NOL6: variants seen among roughly 807,000 people sequenced by gnomAD.
The protein encoded by NOL6 is nucleolar protein 6, also known as nucleolar RNA-associated protein.
NOL6 carries 33 observed loss-of-function variants against 131.7 expected under a neutral mutation model. The ratio of observed to expected loss-of-function variants is 0.25; its 90% CI spans 0.19 to 0.33. The LOEUF is 0.33. Among genes scored for constraint, NOL6 ranks in the 10% least tolerant of loss-of-function variants. NOL6 has a pLI of 1.00. For missense variants in NOL6, 1,297 were observed against 1,494.5 expected (o/e 0.87, Z 2.18); for synonymous variants, 580 against 605.7 (o/e 0.96, Z 0.62).
rs564537335 is a variant in NOL6 at position 33,469,216 on chromosome 9, C to A, written c.853G>T (p.Ala285Ser). The change falls in exon 6 of 26, where the codon GCA becomes TCA. Residue 285 changes from alanine to serine, a missense_variant. Physicochemically the swap from Ala to Ser is moderately conservative, Grantham distance 99. Transcript: ENST00000297990. ...RSAWYRGQSPAGDGSPEPPTP... is the reference protein window; with the variant it reads ...RSAWYRGQSPSGDGSPEPPTP... ...ACCAGGGCCTGCTCACCATCCCCTG[C>A]AGGACTCTGCCCTCGGTACCAGGCA... 5 of 1,614,216 alleles carry A rather than the reference C, an allele frequency of 3.1e-6. No individual in the cohort carries two copies. Among genetic ancestry groups the A allele is most frequent in the African/African-American group, 2.7e-5 (2 of 75,064 alleles).
chr9:33,462,307 C>T lies in NOL6; in HGVS notation c.*357G>A, dbSNP rs536395846. On this transcript the variant is annotated 3_prime_UTR_variant, in exon 26 of 26. Transcript: ENST00000297990. ...AGAGCCTCTCCCAGGCACACATCCC[C>T]TTCTCTGTTTCTGGAAGAAGACTAA... 27 of 702,102 alleles carry T rather than the reference C, an allele frequency of 3.8e-5. No individual in the cohort carries two copies. In the African/African-American group the frequency reaches 4.4e-4, roughly 11 times the overall value. The allele number at this position is 702,102 out of a possible 1,614,324, so 43.5% of individuals were successfully genotyped here.
At chr9:33,472,167 T>G in intron 2 of NOL6, 39 bp downstream of exon 2, 1 of 1,613,530 alleles carries the variant, frequency 6.2e-7, no homozygotes, top group Non-Finnish European at 8.5e-7. Context: ...GGGTCCCAGG[T>G]ACACACCTCG....
chr9:33,468,417 G>A lies in NOL6; in HGVS notation c.1212C>T (p.Ala404=), dbSNP rs745944103. Reference sequence around the variant, plus strand: ...AGAAGGCCTGGTGGAAGTCAGCCAGGGCCGGCTTGGGGGGTGTAGAGAGAA... The same window carrying A: ...AGAAGGCCTGGTGGAAGTCAGCCAGAGCCGGCTTGGGGGGTGTAGAGAGAA... ...LCLSSDPSLP[A]LADFHQAFSV... The change falls in exon 10 of 26, where the codon GCC becomes GCT. Residue 404 remains alanine (A), a synonymous_variant. Coordinates refer to ENST00000297990, the MANE Select transcript of NOL6 (RefSeq NM_022917.5). 6.2e-7 allele frequency: 1 copy of A among 1,614,136 alleles called. No individual in the cohort carries two copies. The highest frequency in any genetic ancestry group is 1.7e-5 in the Admixed American group (1 of 60,014).
rs574888112 is a variant in NOL6, at chr9:33,467,358, C to T, written c.1725+36G>A. 24 of 1,612,196 alleles carry T rather than the reference C, an allele frequency of 1.5e-5. No homozygotes were observed. Among genetic ancestry groups the T allele is most frequent in the Admixed American group, 1.7e-5 (1 of 59,976 alleles). ...TCCAGGTGCCATGAGGACGAGCCAC[C>T]CCATTCCTTCCAGTGTACATGCTGG... On this transcript the variant is annotated intron_variant, in intron 13 of 25. Transcript: ENST00000297990. This position sits in a 1 kb window ranked among gnomAD's most constrained non-coding sequence, Gnocchi z 4.4.
chr9:33,473,868 A>C lies in NOL6; in HGVS notation c.-26T>G. ...CACTCAGGGTCCAGCACTCTCCCGC[A>C]CTTCAGATTCTAGCCGGGTCTATAC... On this transcript the variant is annotated 5_prime_UTR_variant, in exon 1 of 26. Transcript: ENST00000297990. 8 of 1,609,408 alleles carry C rather than the reference A, an allele frequency of 5.0e-6. No individual in the cohort carries two copies. The highest frequency in any genetic ancestry group is 6.8e-6 in the Non-Finnish European group (8 of 1,179,918).
At chr9:33,470,771 A>G (rs1827389712) in intron 3 of NOL6, 1 of 121,628 alleles carries the variant, frequency 8.2e-6, no homozygotes, top group African/African-American at 3.2e-5. Context: ...TAAAACAGAG[A>G]GAGGAAAAGA....
At position 33,466,684 on chromosome 9, in the gene NOL6, AG is replaced by A; in HGVS notation, c.1975del (p.Leu659TrpfsTer2). ...GTCGTAGCAACGTACCGCCGCTACC[AG>A]GGCCTCCTCACCTGTGCTGGAGGTC... The part of the protein sequence containing the change: ...KETSSTGEEA[L>X]VAAVRCYDDL... On this transcript the variant is annotated frameshift_variant, in exon 16 of 26. Coordinates refer to ENST00000297990, the MANE Select transcript of NOL6 (RefSeq NM_022917.5). LOFTEE classifies it high-confidence loss of function. The A allele has an allele frequency of 6.2e-7, 1 of 1,613,884 alleles. No individual in the cohort carries two copies. The highest frequency in any genetic ancestry group is 8.5e-7 in the Non-Finnish European group (1 of 1,180,022).
In NOL6 at chr9:33,462,692, T is replaced by C; in HGVS notation, c.3413A>G (p.Glu1138Gly). 6.2e-7 allele frequency: 1 copy of C among 1,614,098 alleles called. No homozygotes were observed. The highest frequency in any genetic ancestry group is 8.5e-7 in the Non-Finnish European group (1 of 1,180,012). The change falls in exon 26 of 26, where the codon GAG becomes GGG. Residue 1138 changes from glutamate to glycine, a missense_variant. By Grantham distance (98) the Glu-to-Gly change is moderately conservative. Coordinates refer to ENST00000297990, the MANE Select transcript of NOL6 (RefSeq NM_022917.5). ...CACAGTCCACCTCTCACTTCGGGCCTCCACAGTCTGCACCAGGCCTTCACC... is the reference window on the plus strand; with the variant it reads ...CACAGTCCACCTCTCACTTCGGGCCCCCACAGTCTGCACCAGGCCTTCACC... ...VLGEGLVQTV[E>G]ARSERWTV
At position 33,462,450 on chromosome 9, in the gene NOL6, A is replaced by G; in HGVS notation, c.*214T>C. ...CTCCTCTTCTGGGATGGTGAGGCCC[A>G]GGAGACTACATGGGCCACCATGCCC... On this transcript the variant is annotated 3_prime_UTR_variant, in exon 26 of 26. Transcript: ENST00000297990. 1 of 621,416 alleles carries G rather than the reference A, an allele frequency of 1.6e-6. No individual in the cohort carries two copies. Among genetic ancestry groups the G allele is most frequent in the East Asian group, 2.7e-5 (1 of 36,550 alleles). The allele number at this position is 621,416 out of a possible 1,614,324, so 38.5% of individuals were successfully genotyped here.
At position 33,473,913 on chromosome 9, in the gene NOL6, G is replaced by A. The variant is rs1313782705; in HGVS notation, c.-71C>T. On this transcript the variant is annotated 5_prime_UTR_variant, in exon 1 of 26. Coordinates refer to ENST00000297990, the MANE Select transcript of NOL6 (RefSeq NM_022917.5). ...CTATACCTCATAGCTTCCCACGTGG[G>A]CGGAAATGCCTAACTCCAGGCCCAA... 5 of 1,567,340 alleles carry A rather than the reference G, an allele frequency of 3.2e-6. No homozygotes were observed. The East Asian group carries it at 6.8e-5, about 21-fold the overall frequency.
chr9:33,462,499 A>G lies in NOL6; in HGVS notation c.*165T>C, dbSNP rs1827119196. ...CCCTGCCCCAATGCTGGAGCATCAG[A>G]GAGAAAGTTGGGGCTGGGTTTTGTT... On this transcript the variant is annotated 3_prime_UTR_variant, in exon 26 of 26. Transcript: ENST00000297990. 1.3e-6 allele frequency: 1 copy of G among 750,564 alleles called. No individual in the cohort carries two copies. Among genetic ancestry groups the G allele is most frequent in the African/African-American group, 1.8e-5 (1 of 56,800 alleles). 46.5% of individuals were successfully genotyped at this position (750,564 alleles called of 1,614,324 possible).
At position 33,466,632 on chromosome 9, in the gene NOL6, T is replaced by C. The variant is rs747695788; in HGVS notation, c.2028A>G (p.Leu676=). The change falls in exon 16 of 26, where the codon CTA becomes CTG. Residue 676 remains leucine (L), a synonymous_variant. Coordinates refer to ENST00000297990, the MANE Select transcript of NOL6 (RefSeq NM_022917.5). The part of the protein sequence containing the change: ...YDDLSRLLWG[L]EGLPLTVSAV... ...CAGACACGGTCAGTGGGAGACCCTC[T>C]AGCCCCCACAGTAGGCGACTGAGGT... is the stretch of plus-strand genomic sequence containing the variant. 3 of 1,614,044 alleles carry C rather than the reference T, an allele frequency of 1.9e-6. No homozygotes were observed. Among genetic ancestry groups the C allele is most frequent in the Non-Finnish European group, 2.5e-6 (3 of 1,180,002 alleles).
chr9:33,467,039 C>A lies in NOL6; in HGVS notation c.1875-52G>T. On this transcript the variant is annotated intron_variant, in intron 14 of 25. Coordinates refer to ENST00000297990, the MANE Select transcript of NOL6 (RefSeq NM_022917.5). This position sits in a 1 kb window ranked among gnomAD's most constrained non-coding sequence, Gnocchi z 4.4. ...GAAAATTTGGGGCTATGTTCTCGCT[C>A]AACTGCCTGGGCCAGACCCCTGAAA... 1 of 1,613,610 alleles carries A rather than the reference C, an allele frequency of 6.2e-7. No individual in the cohort carries two copies. The highest frequency in any genetic ancestry group is 1.3e-5 in the African/African-American group (1 of 75,016).
At position 33,463,863 on chromosome 9, in the gene NOL6, G is replaced by C. The variant is rs757042053; in HGVS notation, c.2962C>G (p.Leu988Val). 4.3e-6 allele frequency: 7 copies of C among 1,614,126 alleles called. No individual in the cohort carries two copies. The Admixed American group carries it at 5.0e-5, about 12-fold the overall frequency. The change falls in exon 23 of 26, where the codon CTC (leucine) becomes GTC (valine). Residue 988 changes from leucine to valine, a missense_variant. Transcript: ENST00000297990. The stretch of plus-strand genomic sequence containing the variant: ...TCCCCAGGTCCCCGGGGATCCATGA[G>C]CTGCTTCTCTAACATGGGCAGGGCT... ...AEALPMLEKQ[L>V]MDPRGPGDIR...
chr9:33,467,760 G>C lies in NOL6; in HGVS notation c.1533C>G (p.Thr511=), dbSNP rs780987182. The C allele has an allele frequency of 6.2e-7, 1 of 1,610,576 alleles. No individual in the cohort carries two copies. Among genetic ancestry groups the C allele is most frequent in the South Asian group, 1.1e-5 (1 of 90,576 alleles). The change falls in exon 12 of 26, where the codon ACC becomes ACG. Residue 511 remains threonine, a synonymous_variant. Transcript: ENST00000297990. The surrounding 1 kb of genome is among the most constrained non-coding windows in gnomAD (Gnocchi z 4.4). The stretch of plus-strand genomic sequence containing the variant: ...CCCCCAGGCCCTGCTCCAGGAGGGT[G>C]GTCAGGGGGCCCAAAGCAGCTGAGA... ...DYVSAALGPL[T]TLLEQGLGAR...
At position 33,467,820 on chromosome 9, in the gene NOL6, G is replaced by C. The variant is rs761179269; in HGVS notation, c.1473C>G (p.Leu491=). The C allele has an allele frequency of 5.6e-6, 9 of 1,606,470 alleles. No individual in the cohort carries two copies. Among genetic ancestry groups the C allele is most frequent in the Non-Finnish European group, 6.8e-6 (8 of 1,176,534 alleles). The stretch of plus-strand genomic sequence containing the variant: ...CACCATTGTCCTGCAGCTCTGGCCA[G>C]AGCTTCAGCCGGTGGCACGCTGCCT... ...RLQAACHRLK[L]WPELQDNGGD... is the part of the protein sequence containing the mutation. The change falls in exon 12 of 26, where the codon CTC becomes CTG. Residue 491 remains leucine (L), a synonymous_variant. Transcript: ENST00000297990. This position sits in a 1 kb window ranked among gnomAD's most constrained non-coding sequence, Gnocchi z 4.4.
In NOL6 at chr9:33,462,530, T is replaced by C. The variant is rs1188793977; in HGVS notation, c.*134A>G. 4.9e-6 allele frequency: 5 copies of C among 1,013,034 alleles called. No homozygotes were observed. The highest frequency in any genetic ancestry group is 7.3e-6 in the Non-Finnish European group (5 of 688,934). 62.8% of individuals were successfully genotyped at this position (1,013,034 alleles called of 1,614,324 possible). On this transcript the variant is annotated 3_prime_UTR_variant, in exon 26 of 26. Transcript: ENST00000297990. Reference sequence around the variant, plus strand: ...AGTTGGGGCTGGGTTTTGTTGGAGATGATTCAGCATGTTCAGCCAGCAGGC... The same window carrying C: ...AGTTGGGGCTGGGTTTTGTTGGAGACGATTCAGCATGTTCAGCCAGCAGGC...
intron 25 of NOL6, 83 bp downstream of exon 25, chr9:33,462,950 A>AG: frequency 6.5e-7 from 1 of 1,537,014 alleles, no homozygotes; most frequent in Non-Finnish European, 8.9e-7. Flanking sequence ...GTTTGCCCAT[A>AG]GGACAGACTA....
At position 33,468,488 on chromosome 9, in the gene NOL6, C is replaced by T; in HGVS notation, c.1206+20G>A. 2 of 1,614,122 alleles carry T rather than the reference C, an allele frequency of 1.2e-6. No homozygotes were observed. The highest frequency in any genetic ancestry group is 1.7e-6 in the Non-Finnish European group (2 of 1,179,968). ...TACTTGCAGGCCTCCTGGCATAGACCTGGCCCTTCCCCAACTCACCAAAGA... is the reference window on the plus strand; with the variant it reads ...TACTTGCAGGCCTCCTGGCATAGACTTGGCCCTTCCCCAACTCACCAAAGA... On this transcript the variant is annotated intron_variant, in intron 9 of 25. Transcript: ENST00000297990.
Sources: allele counts gnomAD v4.1 joint callset, GRCh38; gene constraint gnomAD v4.1.1; non-coding constraint Gnocchi (gnomAD v3.1); transcripts MANE v1.5; gene names NCBI Gene and HGNC (gene_info 2026-07-23, HGNC 2026-07-21).